Variants in NR3C2 observed in about 807,000 individuals in gnomAD.
NR3C2 encodes nuclear receptor subfamily 3 group C member 2, also known as mineralocorticoid receptor.
A neutral mutation model predicts 86.4 loss-of-function variants in NR3C2; 15 were observed. The ratio of observed to expected loss-of-function variants is 0.17; its 90% confidence interval spans 0.12 to 0.27. The LOEUF is 0.27. Among genes scored for constraint, NR3C2 ranks in the 10% least tolerant of loss-of-function variants. NR3C2 has a pLI of 1.00. For missense variants in NR3C2, 960 were observed against 1,195.6 expected (o/e 0.80, Z 2.91); for synonymous variants, 458 against 450.5 (o/e 1.02, Z -0.21).
At chr4:148,172,001 C>A (rs951590624) in intron 4 of NR3C2, among the ~76,000 whole-genome samples, 5 of 152,140 alleles carry the variant, frequency 3.3e-5, no homozygotes, top group African/African-American at 1.2e-4. Flanking sequence ...AGTTGATAAT[C>A]CCTGGGAGTT....
intron 4 of NR3C2, among the ~76,000 whole-genome samples, chr4:148,165,573 A>G (rs976914641): frequency 2.0e-5 from 3 of 152,134 alleles, no homozygotes; most frequent in Non-Finnish European, 4.4e-5. Flanking sequence ...ATCAAAAACT[A>G]CCTTAATTAT....
intron 3 of NR3C2, among the ~76,000 whole-genome samples, chr4:148,223,570 A>T (rs1340468889): frequency 6.6e-6 from 1 of 152,190 alleles, no homozygotes; most frequent in Non-Finnish European, 1.5e-5. Context: ...GGAAGACATA[A>T]AGAAAGAAGT....
chr4:148,290,095 G>A (rs1199212054), intron 2 of NR3C2, among the ~76,000 whole-genome samples: 1 of 152,132 alleles, frequency 6.6e-6, no homozygotes, highest in East Asian at 1.9e-4. Context: ...GCAAGGCCAA[G>A]GTGTTAGCAA....
At chr4:148,187,901 G>T (rs1736006585) in intron 4 of NR3C2, among the ~76,000 whole-genome samples, 1 of 152,122 alleles carries the variant, frequency 6.6e-6, no homozygotes, top group South Asian at 2.1e-4. Context: ...TTTGTATAAG[G>T]TGAGGGATGA....
intron 4 of NR3C2, among the ~76,000 whole-genome samples, chr4:148,183,121 T>C (rs1239619091): frequency 3.3e-5 from 5 of 152,190 alleles, no homozygotes; most frequent in Non-Finnish European, 5.9e-5. Flanking sequence ...GGTTTCCAGC[T>C]TCATCCATGT....
intron 2 of NR3C2, among the ~76,000 whole-genome samples, chr4:148,352,981 A>T (rs1745371111): frequency 6.6e-6 from 1 of 152,202 alleles, no homozygotes; most frequent in Non-Finnish European, 1.5e-5. Flanking sequence ...ACCAGAAGTG[A>T]CAAGGCAGAT....
intron 6 of NR3C2, among the ~76,000 whole-genome samples, chr4:148,123,448 T>G (rs969910020): frequency 1.5e-4 from 23 of 152,208 alleles, no homozygotes; most frequent in African/African-American, 4.8e-4. Flanking sequence ...TAGCCCCTTA[T>G]TAGTAGTTCT....
intron 4 of NR3C2, among the ~76,000 whole-genome samples, chr4:148,166,864 A>G (rs1734903101): frequency 6.6e-6 from 1 of 151,638 alleles, no homozygotes; most frequent in Non-Finnish European, 1.5e-5. Context: ...TAATGGGGGT[A>G]GTTCAGGAAG....
chr4:148,123,630 T>A (rs1041215098), intron 6 of NR3C2, among the ~76,000 whole-genome samples: 1 of 152,248 alleles, frequency 6.6e-6, no homozygotes, highest in African/African-American at 2.4e-5. Flanking sequence ...CCTCTCTTTA[T>A]ACTGTCTCTT....
upstream of NR3C2, among the ~76,000 whole-genome samples, chr4:148,443,222 C>CAAAAAAAAAAA (rs59506438): frequency 8.5e-4 from 35 of 40,990 alleles, 3 homozygotes; most frequent in African/African-American, 2.0e-3. Flanking sequence ...CCCCTAACAC[C>CAAAAAAAAAAA]AAAAAAAAAA....
At chr4:148,378,388 A>G (rs928586354) in intron 2 of NR3C2, among the ~76,000 whole-genome samples, 1 of 152,070 alleles carries the variant, frequency 6.6e-6, no homozygotes, top group Admixed American at 6.6e-5. Context: ...ACCAAAAAAA[A>G]AAAAATATAC....
At chr4:148,307,761 G>A (rs1447483653) in intron 2 of NR3C2, among the ~76,000 whole-genome samples, 3 of 151,930 alleles carry the variant, frequency 2.0e-5, no homozygotes, top group Non-Finnish European at 2.9e-5. Context: ...TTTAAGGATG[G>A]TGGGTCCTAC....
chr4:148,364,566 A>G (rs192527073), intron 2 of NR3C2, among the ~76,000 whole-genome samples: 19 of 152,338 alleles, frequency 1.2e-4, no homozygotes, highest in Non-Finnish European at 2.6e-4. Flanking sequence ...ATCCTTAACA[A>G]TATGTGTTAG....
chr4:148,085,751 GAAGAA>G (rs796478922), intron 8 of NR3C2, among the ~76,000 whole-genome samples: 4 of 151,976 alleles, frequency 2.6e-5, no homozygotes, highest in African/African-American at 7.2e-5. Flanking sequence ...CCAGACTAAT[GAAGAA>G]AAGAGAGAAG....
chr4:148,128,831 C>T (rs1351466923), intron 6 of NR3C2, among the ~76,000 whole-genome samples: 1 of 152,200 alleles, frequency 6.6e-6, no homozygotes, highest in African/African-American at 2.4e-5. Context: ...GTGCATTTTG[C>T]AGACATTATT....
intron 8 of NR3C2, among the ~76,000 whole-genome samples, chr4:148,113,363 A>G (rs1732130123): frequency 6.6e-6 from 1 of 152,242 alleles, no homozygotes; most frequent in Admixed American, 6.5e-5. Flanking sequence ...CTATTTATGC[A>G]ATGTTAAAGC....
intron 6 of NR3C2, among the ~76,000 whole-genome samples, chr4:148,129,626 C>T (rs1211905505): frequency 2.6e-5 from 4 of 152,144 alleles, no homozygotes; most frequent in African/African-American, 7.2e-5. Flanking sequence ...GATGGAGTCT[C>T]GCTCTGTCAC....
chr4:148,366,590 T>C (rs1746155767), intron 2 of NR3C2, among the ~76,000 whole-genome samples: 1 of 85,228 alleles, frequency 1.2e-5, no homozygotes, highest in South Asian at 4.0e-4. Flanking sequence ...AAAGTCTAAA[T>C]TGATAAATTC....
intron 3 of NR3C2, among the ~76,000 whole-genome samples, chr4:148,202,546 T>C (rs1445495731): frequency 6.6e-6 from 1 of 152,228 alleles, no homozygotes; most frequent in Non-Finnish European, 1.5e-5. Flanking sequence ...CACTAAATGA[T>C]ATATTTCAAC....
Sources: gnomAD v4.1 joint callset for allele counts (sites outside exome capture counted in the v4.1 genomes callset) on GRCh38, gnomAD v4.1.1 for gene constraint, MANE v1.5 for transcripts, NCBI Gene and HGNC (gene_info 2026-07-23, HGNC 2026-07-21) for gene names.